Variants in RBMS3 observed in about 807,000 individuals in gnomAD.
RBMS3 encodes RNA binding motif single stranded interacting protein 3.
RBMS3 carries 27 observed loss-of-function variants against 66.8 expected under a neutral mutation model. That is an observed-to-expected ratio of 0.40 (90% confidence interval 0.30 to 0.56). The LOEUF is 0.56. Among genes scored for constraint, RBMS3 ranks in the 20% least tolerant of loss-of-function variants. RBMS3 has a pLI of 0.40. For missense variants in RBMS3, 513 were observed against 549.5 expected (o/e 0.93, Z 0.66); for synonymous variants, 188 against 183.0 (o/e 1.03, Z -0.22).
At chr3:29,758,776 G>A (rs1388460156) in intron 5 of RBMS3, among the ~76,000 whole-genome samples, 1 of 152,188 alleles carries the variant, frequency 6.6e-6, no homozygotes, top group Non-Finnish European at 1.5e-5. Flanking sequence ...AATGTCAGAA[G>A]CAGTGCAGAG....
At chr3:29,704,674 G>T (rs79412065) in intron 4 of RBMS3, among the ~76,000 whole-genome samples, 3,047 of 152,178 alleles carry the variant, frequency 0.02, 52 homozygotes, top group Non-Finnish European at 0.034. Flanking sequence ...CCTTAGCTCT[G>T]CAGTTGCATT....
chr3:29,960,878 G>A (rs35369349), intron 12 of RBMS3, among the ~76,000 whole-genome samples: 52,126 of 151,710 alleles, frequency 0.34, 10,483 homozygotes, highest in African/African-American at 0.55. Flanking sequence ...TGGTTCAGGA[G>A]ACTATTTTTC....
intron 12 of RBMS3, among the ~76,000 whole-genome samples, chr3:29,965,170 G>C (rs1696742900): frequency 6.6e-6 from 1 of 152,110 alleles, no homozygotes; most frequent in Admixed American, 6.6e-5. Flanking sequence ...GAATTGTGCT[G>C]CTATAAACAA....
At chr3:29,722,054 CA>C (rs1254770962) in intron 4 of RBMS3, among the ~76,000 whole-genome samples, 2 of 152,124 alleles carry the variant, frequency 1.3e-5, no homozygotes, top group Admixed American at 6.6e-5. Context: ...CTTTCTGTCT[CA>C]AGGGAGGGCA....
chr3:29,612,070 A>C (rs1265861836), intron 4 of RBMS3, among the ~76,000 whole-genome samples: 1 of 152,064 alleles, frequency 6.6e-6, no homozygotes, highest in Non-Finnish European at 1.5e-5. Flanking sequence ...AGAAAATTAT[A>C]ATATCTATGT....
intron 3 of RBMS3, among the ~76,000 whole-genome samples, chr3:29,539,081 C>T (rs981909341): frequency 1.3e-5 from 2 of 152,142 alleles, no homozygotes; most frequent in African/African-American, 4.8e-5. Flanking sequence ...GAAATTATAA[C>T]TGAAGTCTGG....
At chr3:29,790,463 C>T (rs2056970201) in intron 6 of RBMS3, among the ~76,000 whole-genome samples, 1 of 152,100 alleles carries the variant, frequency 6.6e-6, no homozygotes. Context: ...GAGCATGATT[C>T]ATTCATGGGT....
intron 4 of RBMS3, among the ~76,000 whole-genome samples, chr3:29,739,458 GA>G (rs56861996): frequency 0.44 from 57,479 of 129,382 alleles, 12,070 homozygotes; most frequent in Middle Eastern, 0.52. Context: ...TCCGTCTCAA[GA>G]AAAAAAAAAA....
chr3:29,443,398 A>C (rs2041699980), intron 2 of RBMS3, among the ~76,000 whole-genome samples: 1 of 152,038 alleles, frequency 6.6e-6, no homozygotes, highest in South Asian at 2.1e-4. Flanking sequence ...ATTCTAATGG[A>C]TAAAAATGAT....
chr3:29,573,099 A>C (rs2046998707), intron 3 of RBMS3, among the ~76,000 whole-genome samples: 1 of 152,056 alleles, frequency 6.6e-6, no homozygotes, highest in South Asian at 2.1e-4. Context: ...TCTGTGACAT[A>C]AGTTTTAAGA....
At chr3:29,737,614 G>T (rs1267599097) in intron 4 of RBMS3, among the ~76,000 whole-genome samples, 1 of 152,114 alleles carries the variant, frequency 6.6e-6, no homozygotes, top group Non-Finnish European at 1.5e-5. Flanking sequence ...ATTAAATGAT[G>T]AATGGTGAAA....
At chr3:29,930,010 G>T (rs1277037795) in intron 10 of RBMS3, among the ~76,000 whole-genome samples, 1 of 151,414 alleles carries the variant, frequency 6.6e-6, no homozygotes, top group African/African-American at 2.4e-5. Context: ...TGGGAAATTG[G>T]TGTATATTAT....
chr3:29,923,303 G>T (rs1032437353), intron 10 of RBMS3, among the ~76,000 whole-genome samples: 1 of 152,184 alleles, frequency 6.6e-6, no homozygotes, highest in Non-Finnish European at 1.5e-5. Flanking sequence ...AGAGTGGGCA[G>T]TCCATCACAG....
At chr3:29,696,930 G>A in intron 4 of RBMS3, 3 of 983,178 alleles carry the variant, frequency 3.1e-6, no homozygotes, top group Non-Finnish European at 3.6e-6. Flanking sequence ...GTCTCCCCTG[G>A]TCGTTTGGGT....
intron 6 of RBMS3, among the ~76,000 whole-genome samples, chr3:29,852,470 A>C (rs1335758333): frequency 6.6e-6 from 1 of 152,174 alleles, no homozygotes; most frequent in Non-Finnish European, 1.5e-5. Flanking sequence ...TTACAAGACT[A>C]AAACAACCCC....
At chr3:29,654,663 T>C (rs2050262736) in intron 4 of RBMS3, among the ~76,000 whole-genome samples, 1 of 151,640 alleles carries the variant, frequency 6.6e-6, no homozygotes, top group African/African-American at 2.4e-5. Flanking sequence ...CAATCTTGGC[T>C]CACTGTATCC....
chr3:29,419,971 T>G (rs567073394), intron 1 of RBMS3, among the ~76,000 whole-genome samples: 1 of 152,328 alleles, frequency 6.6e-6, no homozygotes, highest in South Asian at 2.1e-4. Flanking sequence ...CAATTTAGCT[T>G]CTTACCGTTG....
chr3:29,837,768 C>CTTAA (rs2058562902), intron 6 of RBMS3, among the ~76,000 whole-genome samples: 2 of 139,712 alleles, frequency 1.4e-5, no homozygotes, highest in Non-Finnish European at 3.0e-5. Context: ...GATTTTATGC[C>CTTAA]TTAATGATCA....
chr3:29,506,685 CA>C (rs1219228230), intron 3 of RBMS3, among the ~76,000 whole-genome samples: 1 of 151,900 alleles, frequency 6.6e-6, no homozygotes, highest in East Asian at 1.9e-4. Flanking sequence ...TGTTTGTTAA[CA>C]GTGAAATCAT....
Sources: allele counts gnomAD v4.1 joint callset (sites outside exome capture counted in the v4.1 genomes callset), GRCh38; gene constraint gnomAD v4.1.1; transcripts MANE v1.5; gene names NCBI Gene and HGNC (gene_info 2026-07-23, HGNC 2026-07-21).